Variants in COG8 observed in about 807,000 individuals in gnomAD.
COG8 encodes conserved oligomeric Golgi complex subunit 8.
COG8 carries 45 observed loss-of-function variants against 46.5 expected under a neutral mutation model. That is an observed-to-expected ratio of 0.97 (90% CI 0.76 to 1.24). The LOEUF (loss-of-function observed/expected upper bound fraction) is 1.24, where lower values mean the gene tolerates loss of function less well. Ranked by LOEUF, COG8 falls within the 50% of genes most tolerant of loss-of-function variation. The pLI, the probability that COG8 is intolerant of heterozygous loss-of-function variation, is 0.00. For synonymous variants in COG8, 407 were observed against 347.8 expected (o/e 1.17, Z -1.90); for missense variants, 793 against 820.8 (o/e 0.97, Z 0.41).
intron 3 of COG8, 72 bp downstream of exon 3, chr16:69,334,449 T>G: frequency 1.5e-6 from 2 of 1,310,300 alleles, no homozygotes; most frequent in Non-Finnish European, 2.2e-6. Context: ...ATAGACGGGT[T>G]TATTACAAAA....
At position 69,339,260 on chromosome 16, in the gene COG8, T is replaced by G; in HGVS notation, c.293A>C (p.Glu98Ala). The G allele has an allele frequency of 6.2e-7, 1 of 1,612,592 alleles. No homozygotes were observed. Among genetic ancestry groups the G allele is most frequent in the South Asian group, 1.1e-5 (1 of 91,076 alleles). ...KTFIRGAECT[E>A]RIHRLFGDVE... ...GTCGCCAAACAGGCGGTGGATGCGC[T>G]CGGTGCACTCGGCGCCGCGGATGAA... The change falls in exon 1 of 6, where the codon GAG (glutamate) becomes GCG (alanine). Residue 98 changes from glutamate to alanine, a missense_variant. Physicochemically the swap from Glu to Ala is moderately radical, Grantham distance 107 (BLOSUM62 -1). Transcript: ENST00000306875.
chr16:69,330,186 C>A (rs1257884618), intron 5 of COG8: 1 of 1,485,870 alleles, frequency 6.7e-7, no homozygotes, highest in Non-Finnish European at 8.9e-7. Context: ...CACAGCGCCT[C>A]GGGGAGCTCC....
intron 1 of COG8, 68 bp from the exon 2 acceptor site, chr16:69,336,780 G>C: frequency 1.5e-6 from 2 of 1,335,652 alleles, no homozygotes; most frequent in Non-Finnish European, 1.1e-6. Flanking sequence ...CAGTTACCAA[G>C]TACCTGCTAT....
chr16:69,339,501 G>C lies in COG8; in HGVS notation c.52C>G (p.Leu18Val), dbSNP rs763856913. ...AGCCCTTCATCCTCCACCTCGCCGA[G>C]AGCCGCTGCTGTGGCCGTGGCTACC... ...PSVATATAAA[L>V]GEVEDEGLLA... The change falls in exon 1 of 6, where the codon CTC becomes GTC. Residue 18 changes from leucine to valine, a missense_variant. Leu to Val is a conservative substitution (Grantham distance 32). Transcript: ENST00000306875. 1.2e-6 allele frequency: 2 copies of C among 1,607,036 alleles called. No individual in the cohort carries two copies.
At chr16:69,335,453 A>T in intron 2 of COG8, 105 bp from the exon 3 acceptor site, 1 of 947,266 alleles carries the variant, frequency 1.1e-6, no homozygotes, top group Non-Finnish European at 1.6e-6. Flanking sequence ...GGCTTTCCTG[A>T]AATGTGAAGT....
At chr16:69,331,763 A>C (rs547506932) in intron 4 of COG8, among the ~76,000 whole-genome samples, 1 of 152,190 alleles carries the variant, frequency 6.6e-6, no homozygotes, top group South Asian at 2.1e-4. Context: ...GGCCTCCCAA[A>C]GTGCTGGGAT....
intron 2 of COG8, among the ~76,000 whole-genome samples, chr16:69,335,711 G>C (rs1390169356): frequency 6.6e-6 from 1 of 151,796 alleles, no homozygotes; most frequent in African/African-American, 2.4e-5. Flanking sequence ...GGTTACTCGG[G>C]AGGCAGAGGC....
intron 5 of COG8, chr16:69,329,954 A>AGG: frequency 6.7e-7 from 1 of 1,489,904 alleles, no homozygotes; most frequent in Non-Finnish European, 8.9e-7. Context: ...GGCAGAAGAG[A>AGG]CGCGCGCGCT....
At position 69,330,693 on chromosome 16, in the gene COG8, G is replaced by A. The variant is rs1039691491; in HGVS notation, c.*26+120C>T. On this transcript the variant is annotated intron_variant, in intron 5 of 5. Coordinates refer to ENST00000306875, the MANE Select transcript of COG8 (RefSeq NM_032382.5). ...GGATCCCCGCCTTCCTGCTTAGACTGGCAGTGAGCACCGCCCCCTTCCGCT... is the reference window on the plus strand; with the variant it reads ...GGATCCCCGCCTTCCTGCTTAGACTAGCAGTGAGCACCGCCCCCTTCCGCT... 4.3e-6 allele frequency: 6 copies of A among 1,394,354 alleles called. No individual in the cohort carries two copies. The South Asian group carries it at 6.1e-5, about 14-fold the overall frequency. 86.4% of individuals were successfully genotyped at this position (1,394,354 alleles called of 1,614,324 possible).
At chr16:69,334,361 G>A (rs990798292) in intron 3 of COG8, among the ~76,000 whole-genome samples, 160 bp downstream of exon 3, 1 of 152,192 alleles carries the variant, frequency 6.6e-6, no homozygotes, top group African/African-American at 2.4e-5. Flanking sequence ...TCCCATGAAG[G>A]GCAACTGGCC....
chr16:69,329,086 A>G lies in COG8; in HGVS notation c.*120T>C. The G allele has an allele frequency of 6.2e-7, 1 of 1,612,138 alleles. No homozygotes were observed. The highest frequency in any genetic ancestry group is 1.7e-5 in the Admixed American group (1 of 59,870). ...CCTGCTGTCCATTTTGTCAATAAAC[A>G]GGCAGCCCTGCAGGTGGTCCATCTC... On this transcript the variant is annotated 3_prime_UTR_variant, in exon 6 of 6. Transcript: ENST00000306875.
chr16:69,330,153 G>C, intron 5 of COG8: 1 of 1,545,526 alleles, frequency 6.5e-7, no homozygotes, highest in Non-Finnish European at 8.7e-7. Flanking sequence ...CGGAGCGCGC[G>C]CTGGCGGGGC....
chr16:69,337,436 A>G (rs1203694012), intron 1 of COG8, among the ~76,000 whole-genome samples: 1 of 152,254 alleles, frequency 6.6e-6, no homozygotes, highest in Admixed American at 6.5e-5. Context: ...ATTTAACAGT[A>G]GCTATCATTA....
At chr16:69,330,552 C>T in intron 5 of COG8, 2 of 1,469,708 alleles carry the variant, frequency 1.4e-6, no homozygotes, top group Non-Finnish European at 1.8e-6. Context: ...AGACTCAGCG[C>T]GCCCCACAGC....
chr16:69,336,891 G>C (rs1206412536), intron 1 of COG8, among the ~76,000 whole-genome samples, 179 bp from the exon 2 acceptor site: 2 of 152,180 alleles, frequency 1.3e-5, no homozygotes, highest in African/African-American at 4.8e-5. Context: ...GAGAGGTTAA[G>C]CAACTTGTCC....
At chr16:69,329,929 G>A (rs1439078070) in intron 5 of COG8, 7 of 1,446,982 alleles carry the variant, frequency 4.8e-6, no homozygotes, top group African/African-American at 1.5e-5. Flanking sequence ...CCACTTCTGC[G>A]CTCTCGCGGA....
Position 69,327,139 on chromosome 16 carries a change from C to T in COG8, c.*2067G>A, listed in dbSNP as rs1269562433. On this transcript the variant is annotated 3_prime_UTR_variant, in exon 6 of 6. Transcript: ENST00000306875. ...CATTGGCTGCATCTCTGACCTTGCA[C>T]CAGTATCTGGTTGGGATTCCCTTTT... 4 of 150,700 alleles carry T rather than the reference C, an allele frequency of 2.7e-5. No homozygotes were observed. The highest frequency in any genetic ancestry group is 3.9e-4 in the East Asian group (2 of 5,170). The allele number at this position is 150,700 out of a possible 1,614,324, so 9.3% of individuals were successfully genotyped here. A position where few individuals can be genotyped will look rare whatever the true frequency, so the allele number is the denominator to read the frequency against.
intron 3 of COG8, among the ~76,000 whole-genome samples, chr16:69,333,818 ATCTC>A (rs1277175765): frequency 1.3e-5 from 2 of 152,210 alleles, no homozygotes; most frequent in Non-Finnish European, 2.9e-5. Flanking sequence ...GGGAGACACT[ATCTC>A]TCTGTAAAAT....
chr16:69,337,442 CATT>C (rs2012269281), intron 1 of COG8, among the ~76,000 whole-genome samples: 2 of 152,152 alleles, frequency 1.3e-5, no homozygotes, highest in Admixed American at 6.5e-5. Context: ...CAGTAGCTAT[CATT>C]ATTTTCAAAA....
Sources: allele counts gnomAD v4.1 joint callset (sites outside exome capture counted in the v4.1 genomes callset), GRCh38; gene constraint gnomAD v4.1.1; transcripts MANE v1.5; gene names NCBI Gene and HGNC (gene_info 2026-07-23, HGNC 2026-07-21).